MDGA2: variants seen among roughly 807,000 people sequenced by gnomAD.
MDGA2 encodes the protein MAM domain containing glycosylphosphatidylinositol anchor 2, also known as MAM domain-containing glycosylphosphatidylinositol anchor protein 2.
A neutral mutation model predicts 117.8 loss-of-function variants in MDGA2; 40 were observed. The ratio of observed to expected loss-of-function variants is 0.34; its 90% CI spans 0.26 to 0.44. MDGA2 has a LOEUF of 0.44. MDGA2 is among the 20% of genes least tolerant of loss of function. MDGA2 has a pLI of 1.00. For synonymous variants in MDGA2, 452 were observed against 439.0 expected (o/e 1.03, Z -0.37); for missense variants, 1,123 against 1,250.6 (o/e 0.90, Z 1.54).
intron 5 of MDGA2, among the ~76,000 whole-genome samples, chr14:47,098,268 A>G (rs1880096574): frequency 6.7e-6 from 1 of 148,466 alleles, no homozygotes; most frequent in South Asian, 2.1e-4. Context: ...TTTGAAAAAA[A>G]AAAAAAAAAA....
chr14:46,895,328 T>C (rs1033224638), intron 10 of MDGA2, among the ~76,000 whole-genome samples: 2 of 152,154 alleles, frequency 1.3e-5, no homozygotes, highest in Non-Finnish European at 2.9e-5. Context: ...CCTTTATAAA[T>C]TACCCAGTCT....
chr14:47,106,680 A>AGCCCCCTAGACCATCACAGAC (rs1448712547), intron 5 of MDGA2, among the ~76,000 whole-genome samples: 7 of 152,048 alleles, frequency 4.6e-5, no homozygotes, highest in African/African-American at 1.7e-4. Context: ...TCGCCTCGGA[A>AGCCCCCTAGACCATCACAGAC]GCCCCCTAGA....
At chr14:47,200,633 A>T (rs984982140) in intron 3 of MDGA2, 17 of 1,276,866 alleles carry the variant, frequency 1.3e-5, no homozygotes, top group Middle Eastern at 2.6e-4. Context: ...TTTCTTCTCC[A>T]CGTTCTTCTC....
intron 3 of MDGA2, among the ~76,000 whole-genome samples, chr14:47,174,247 A>G (rs956857563): frequency 6.6e-6 from 1 of 152,164 alleles, no homozygotes; most frequent in African/African-American, 2.4e-5. Context: ...AACGAGACAG[A>G]AAGTTAACAA....
At chr14:47,259,346 C>A (rs1887721679) in intron 2 of MDGA2, among the ~76,000 whole-genome samples, 1 of 151,812 alleles carries the variant, frequency 6.6e-6, no homozygotes, top group Non-Finnish European at 1.5e-5. Context: ...ACTTGCATAC[C>A]CTTGTTTGAA....
chr14:47,156,593 A>ATATTCACAGCAGAAGCATGT, intron 3 of MDGA2, among the ~76,000 whole-genome samples: 1 of 152,350 alleles, frequency 6.6e-6, no homozygotes, highest in East Asian at 1.9e-4. Context: ...AATCTAAAAA[A>ATATTCACAGCAGAAGCATGT]TATTCACAGC....
intron 1 of MDGA2, among the ~76,000 whole-genome samples, chr14:47,627,146 A>G (rs959082196): frequency 6.6e-6 from 1 of 151,804 alleles, no homozygotes. Flanking sequence ...AAATACACCA[A>G]TCAGCACTCT....
chr14:47,205,880 C>T (rs1566680113), intron 3 of MDGA2, among the ~76,000 whole-genome samples: 1 of 151,978 alleles, frequency 6.6e-6, no homozygotes, highest in Non-Finnish European at 1.5e-5. Context: ...ACTGTGTTCC[C>T]AGCACTGAGT....
intron 3 of MDGA2, among the ~76,000 whole-genome samples, chr14:47,153,936 T>A (rs977308326): frequency 6.6e-6 from 1 of 152,134 alleles, no homozygotes; most frequent in African/African-American, 2.4e-5. Context: ...GCCAGAGTTG[T>A]GTCAGTGGAG....
intron 2 of MDGA2, 116 bp downstream of exon 2, chr14:47,301,287 ACACCCACC>A: frequency 1.0e-6 from 1 of 952,440 alleles, no homozygotes; most frequent in Non-Finnish European, 1.5e-6. Flanking sequence ...ACACACACCC[ACACCCACC>A]CACACACACA....
intron 6 of MDGA2, among the ~76,000 whole-genome samples, chr14:47,092,477 G>C (rs1879713883): frequency 6.6e-6 from 1 of 152,112 alleles, no homozygotes; most frequent in South Asian, 2.1e-4. Flanking sequence ...GGTAAAAGAA[G>C]AGTAAGAAAC....
intron 1 of MDGA2, among the ~76,000 whole-genome samples, chr14:47,401,356 G>A (rs776367317): frequency 1.3e-5 from 2 of 152,102 alleles, no homozygotes; most frequent in Admixed American, 6.5e-5. Flanking sequence ...AGCTTAGAAT[G>A]CCTTAAGATT....
intron 8 of MDGA2, among the ~76,000 whole-genome samples, chr14:46,978,276 C>T (rs1886543682): frequency 6.6e-6 from 1 of 151,732 alleles, no homozygotes; most frequent in Non-Finnish European, 1.5e-5. Context: ...TGTTAGGAAC[C>T]ATTCATATTT....
intron 1 of MDGA2, among the ~76,000 whole-genome samples, chr14:47,442,666 C>A (rs1159909673): frequency 1.3e-5 from 2 of 152,048 alleles, no homozygotes; most frequent in Non-Finnish European, 2.9e-5. Context: ...ATGTAGGCAC[C>A]ATGAAGCCCA....
At chr14:47,471,596 G>C (rs1893729848) in intron 1 of MDGA2, among the ~76,000 whole-genome samples, 1 of 151,946 alleles carries the variant, frequency 6.6e-6, no homozygotes, top group Non-Finnish European at 1.5e-5. Flanking sequence ...ATCTAGTTTT[G>C]CTTACATGGA....
intron 5 of MDGA2, among the ~76,000 whole-genome samples, chr14:47,111,598 G>A (rs1011905830): frequency 6.6e-6 from 1 of 152,120 alleles, no homozygotes; most frequent in Non-Finnish European, 1.5e-5. Context: ...TTAAGCCATT[G>A]CTCTGGATAT....
intron 2 of MDGA2, among the ~76,000 whole-genome samples, chr14:47,276,349 C>T (rs1331641201): frequency 6.6e-6 from 1 of 152,244 alleles, no homozygotes; most frequent in Non-Finnish European, 1.5e-5. Flanking sequence ...TGGTATCTCT[C>T]CAGATTACTT....
At chr14:47,059,370 A>C in intron 7 of MDGA2, 1 of 1,235,968 alleles carries the variant, frequency 8.1e-7, no homozygotes, top group Non-Finnish European at 1.1e-6. Context: ...TTTTATCTCC[A>C]ATAGTGTTAC....
chr14:47,610,464 T>G (rs2138902641), intron 1 of MDGA2, among the ~76,000 whole-genome samples: 2 of 152,160 alleles, frequency 1.3e-5, no homozygotes, highest in Admixed American at 1.3e-4. Flanking sequence ...GAGCAAAGTT[T>G]CCGGATACAA....
Sources: allele counts gnomAD v4.1 joint callset (sites outside exome capture counted in the v4.1 genomes callset), GRCh38; gene constraint gnomAD v4.1.1; transcripts MANE v1.5; gene names NCBI Gene and HGNC (gene_info 2026-07-23, HGNC 2026-07-21).